The following SNX29 variants were observed in gnomAD, a reference collection of about 807,000 sequenced individuals.
SNX29 encodes sorting nexin-29.
A neutral mutation model predicts 102.1 loss-of-function variants in SNX29; 78 were observed. The ratio of observed to expected loss-of-function variants is 0.76; its 90% CI spans 0.64 to 0.92. SNX29 has a LOEUF of 0.92. Among genes scored for constraint, SNX29 ranks in the 40% least tolerant of loss-of-function variants. The probability of loss-of-function intolerance (pLI) is 0.00; values close to 1 mark genes in which losing one functional copy is unlikely to be tolerated. For synonymous variants in SNX29, 580 were observed against 414.5 expected (o/e 1.40, Z -4.85); for missense variants, 1,280 against 1,061.7 (o/e 1.21, Z -2.86).
chr16:12,405,782 C>CCT (rs2084136199), intron 18 of SNX29, among the ~76,000 whole-genome samples: 1 of 152,098 alleles, frequency 6.6e-6, no homozygotes, highest in Admixed American at 6.6e-5. Context: ...GCCTGTAATC[C>CCT]CAGCACTTTG....
chr16:12,147,159 C>T (rs892813562), intron 13 of SNX29, among the ~76,000 whole-genome samples: 14 of 152,222 alleles, frequency 9.2e-5, no homozygotes, highest in African/African-American at 2.2e-4. Context: ...AATGGTTGAG[C>T]GTCAGAGTCA....
At chr16:12,198,747 T>C (rs1014733152) in intron 13 of SNX29, among the ~76,000 whole-genome samples, 22 of 152,250 alleles carry the variant, frequency 1.4e-4, no homozygotes, top group African/African-American at 5.1e-4. Flanking sequence ...AAACACCGTA[T>C]TTGTCCAACT....
intron 15 of SNX29, among the ~76,000 whole-genome samples, chr16:12,319,559 G>C (rs904412588): frequency 2.6e-5 from 4 of 152,204 alleles, no homozygotes; most frequent in African/African-American, 7.2e-5. Flanking sequence ...GCTGCCATTT[G>C]TTGAGTACCT....
At chr16:12,559,249 G>T (rs531201089) in intron 20 of SNX29, among the ~76,000 whole-genome samples, 7 of 151,998 alleles carry the variant, frequency 4.6e-5, no homozygotes, top group African/African-American at 1.2e-4. Flanking sequence ...TCGCATCACC[G>T]CCTGAGCTCT....
intron 19 of SNX29, among the ~76,000 whole-genome samples, chr16:12,499,286 A>G (rs988152537): frequency 3.9e-5 from 6 of 152,312 alleles, no homozygotes; most frequent in South Asian, 4.1e-4. Context: ...GATGCCCCCA[A>G]TGCACTGATT....
chr16:12,102,390 A>G (rs12919710), intron 11 of SNX29, among the ~76,000 whole-genome samples: 3,123 of 152,340 alleles, frequency 0.021, 62 homozygotes, highest in South Asian at 0.036. Flanking sequence ...CTAACAGTGT[A>G]AAAGCATTTC....
chr16:12,037,552 G>T (rs1217862709), intron 4 of SNX29, among the ~76,000 whole-genome samples: 1 of 152,134 alleles, frequency 6.6e-6, no homozygotes, highest in East Asian at 1.9e-4. Context: ...TTAATTGCCT[G>T]CCCTGGGTTA....
chr16:12,347,346 G>A (rs2081844107), intron 15 of SNX29, among the ~76,000 whole-genome samples: 1 of 152,122 alleles, frequency 6.6e-6, no homozygotes, highest in African/African-American at 2.4e-5. Context: ...GCTCATCAGG[G>A]CAAGCCTGAA....
At chr16:12,554,116 C>T (rs539367566) in intron 20 of SNX29, among the ~76,000 whole-genome samples, 5 of 152,362 alleles carry the variant, frequency 3.3e-5, no homozygotes, top group African/African-American at 9.6e-5. Flanking sequence ...GTCTAAGCCA[C>T]CATGCCCAGC....
intron 8 of SNX29, among the ~76,000 whole-genome samples, chr16:12,057,069 C>A (rs934596099): frequency 6.6e-6 from 1 of 152,172 alleles, no homozygotes; most frequent in Non-Finnish European, 1.5e-5. Context: ...CTATGTTGGC[C>A]TCCCTGAGTG....
At chr16:12,356,050 C>A in intron 15 of SNX29, 113 bp from the exon 16 acceptor site, 1 of 899,398 alleles carries the variant, frequency 1.1e-6, no homozygotes, top group South Asian at 1.5e-5. Flanking sequence ...CCAGCCCCAA[C>A]AGCCTACAGA....
At chr16:12,545,174 GAAAC>G (rs1471048730) in intron 20 of SNX29, among the ~76,000 whole-genome samples, 1 of 152,146 alleles carries the variant, frequency 6.6e-6, no homozygotes, top group Admixed American at 6.5e-5. Flanking sequence ...AGCCGTCAGA[GAAAC>G]AAATATGGTC....
chr16:12,272,182 G>A (rs1344930389), intron 14 of SNX29, among the ~76,000 whole-genome samples: 4 of 152,212 alleles, frequency 2.6e-5, no homozygotes, highest in African/African-American at 9.6e-5. Context: ...GCCCCCACCA[G>A]TGTTGAAGGT....
Position 12,571,097 on chromosome 16 carries a change from T to A in SNX29, c.*2468T>A. 8.6e-6 allele frequency: 2 copies of A among 232,564 alleles called. No individual in the cohort carries two copies. Among genetic ancestry groups the A allele is most frequent in the Non-Finnish European group, 1.7e-5 (2 of 117,626 alleles). 14.4% of individuals were successfully genotyped at this position (232,564 alleles called of 1,614,324 possible). On this transcript the variant is annotated 3_prime_UTR_variant, in exon 21 of 21. Coordinates refer to ENST00000566228, the MANE Select transcript of SNX29 (RefSeq NM_032167.5). ...ACATGACAGCAACTCCCCGAAGCCT[T>A]CCCTTTGGAATCCCATAGAATGTTC...
In SNX29 at chr16:12,568,702, C is replaced by T. The variant is rs543685653; in HGVS notation, c.*73C>T. ...TCCACCCCAGCCACTGCCGCTGGCC[C>T]CTCACCTCAGCGTGACAACCACGTC... On this transcript the variant is annotated 3_prime_UTR_variant, in exon 21 of 21. Coordinates refer to ENST00000566228, the MANE Select transcript of SNX29 (RefSeq NM_032167.5). 240 of 1,565,086 alleles carry T rather than the reference C, an allele frequency of 1.5e-4. 1 individual carries two copies. In the South Asian group the frequency reaches 2.0e-3, roughly 13 times the overall value.
intron 14 of SNX29, among the ~76,000 whole-genome samples, chr16:12,202,301 A>G (rs2076932730): frequency 6.6e-6 from 1 of 152,084 alleles, no homozygotes; most frequent in African/African-American, 2.4e-5. Flanking sequence ...AAGGACTGGA[A>G]TTTGGGTGGC....
intron 11 of SNX29, among the ~76,000 whole-genome samples, chr16:12,119,959 C>A (rs1053734557): frequency 6.6e-6 from 1 of 152,208 alleles, no homozygotes; most frequent in African/African-American, 2.4e-5. Context: ...AACCACTGGC[C>A]ATCTGAGCCC....
rs746157383 is a variant in SNX29 at position 12,572,278 on chromosome 16, A to G, written c.*3649A>G. On this transcript the variant is annotated 3_prime_UTR_variant, in exon 21 of 21. Transcript: ENST00000566228. ...ACCATGGCTGTAGCTGATGCAACTA[A>G]CAAGTACTGGGGCCAGTGATCACAA... is the stretch of plus-strand genomic sequence containing the variant. 2 of 1,058,338 alleles carry G rather than the reference A, an allele frequency of 1.9e-6. No homozygotes were observed. The highest frequency in any genetic ancestry group is 2.3e-6 in the Non-Finnish European group (2 of 876,640). 65.6% of individuals were successfully genotyped at this position (1,058,338 alleles called of 1,614,324 possible).
At chr16:12,293,606 G>A (rs1567406481) in intron 15 of SNX29, among the ~76,000 whole-genome samples, 2 of 152,170 alleles carry the variant, frequency 1.3e-5, no homozygotes, top group East Asian at 1.9e-4. Context: ...TGATTACAGT[G>A]CAAATTAACT....
Sources: allele counts gnomAD v4.1 joint callset (sites outside exome capture counted in the v4.1 genomes callset), GRCh38; gene constraint gnomAD v4.1.1; transcripts MANE v1.5; gene names NCBI Gene and HGNC (gene_info 2026-07-23, HGNC 2026-07-21).